The following ZNF821 variants were observed in gnomAD, a reference collection of about 807,000 sequenced individuals.
ZNF821 encodes the protein zinc finger protein 821.
A neutral mutation model predicts 44.3 loss-of-function variants in ZNF821; 16 were observed. The ratio of observed to expected loss-of-function variants is 0.36; its 90% confidence interval spans 0.24 to 0.55. ZNF821 has a LOEUF of 0.55. Ranked by LOEUF, ZNF821 falls within the 20% of genes least tolerant of loss-of-function variation. ZNF821 has a pLI of 0.86. For synonymous variants in ZNF821, 204 were observed against 197.6 expected (o/e 1.03, Z -0.27); for missense variants, 436 against 547.6 (o/e 0.80, Z 2.03).
chr16:71,879,757 C>A (rs917741824), intron 3 of ZNF821, 150 bp downstream of exon 3: 2 of 774,620 alleles, frequency 2.6e-6, no homozygotes, highest in Non-Finnish European at 4.1e-6. Context: ...TTCTTTCTTT[C>A]TTTTTTTCTC....
At chr16:71,864,048 C>G in intron 6 of ZNF821, 90 bp downstream of exon 6, 1 of 1,142,786 alleles carries the variant, frequency 8.8e-7, no homozygotes, top group South Asian at 1.2e-5. Context: ...CCTTCAGGAG[C>G]CAGAGAGAGA....
At chr16:71,872,318 T>C (rs892254299) in intron 3 of ZNF821, among the ~76,000 whole-genome samples, 2 of 151,764 alleles carry the variant, frequency 1.3e-5, no homozygotes, top group Admixed American at 6.6e-5. Flanking sequence ...GAACATTCTT[T>C]AAGAGAGCAG....
chr16:71,873,105 T>G (rs1381017223), intron 3 of ZNF821, among the ~76,000 whole-genome samples: 4 of 152,206 alleles, frequency 2.6e-5, no homozygotes, highest in Middle Eastern at 3.2e-3. Context: ...GCAGATCACT[T>G]GAGATCAGGA....
At chr16:71,889,875 C>G (rs1325661299) in intron 1 of ZNF821, among the ~76,000 whole-genome samples, 1 of 152,130 alleles carries the variant, frequency 6.6e-6, no homozygotes, top group African/African-American at 2.4e-5. Context: ...GGAGGATCAT[C>G]TGGGCCCAAG....
chr16:71,889,738 C>T (rs1342662557), upstream of ZNF821, among the ~76,000 whole-genome samples: 1 of 151,962 alleles, frequency 6.6e-6, no homozygotes, highest in African/African-American at 2.4e-5. Flanking sequence ...CCGAAAAAAC[C>T]TGACCTGATA....
At position 71,859,785 on chromosome 16, in the gene ZNF821, G is replaced by T; in HGVS notation, c.*233C>A. On this transcript the variant is annotated 3_prime_UTR_variant, in exon 8 of 8. Transcript: ENST00000425432. ...CTGTGGCAGTGGGCTGGGGAGGCCA[G>T]TTCTCTGGACTGCCTGCTCCCTTGT... The T allele has an allele frequency of 3.6e-6, 2 of 549,454 alleles. No homozygotes were observed. The highest frequency in any genetic ancestry group is 6.3e-6 in the Non-Finnish European group (2 of 315,060). 34.0% of individuals were successfully genotyped at this position (549,454 alleles called of 1,614,324 possible).
At chr16:71,883,049 A>T (rs1192061313) in intron 2 of ZNF821, 162 bp downstream of exon 2, 1 of 451,540 alleles carries the variant, frequency 2.2e-6, no homozygotes, top group Non-Finnish European at 4.4e-6. Flanking sequence ...GTCTGTCTTC[A>T]GAGCAAGGTT....
At chr16:71,867,401 T>C (rs1048151886) in intron 4 of ZNF821, among the ~76,000 whole-genome samples, 3 of 152,076 alleles carry the variant, frequency 2.0e-5, no homozygotes, top group Non-Finnish European at 4.4e-5. Flanking sequence ...AAAATATATA[T>C]ATCGGCCAGG....
In ZNF821 at chr16:71,860,499, G is replaced by C. The variant is rs1266671687; in HGVS notation, c.758C>G (p.Pro253Arg). 4 of 1,614,178 alleles carry C rather than the reference G, an allele frequency of 2.5e-6. No homozygotes were observed. The South Asian group carries it at 4.4e-5, about 18-fold the overall frequency. Residue 253 changes from proline (P) to arginine (R), a missense_variant, in exon 8 of 8, where the codon CCC (proline) becomes CGC (arginine). Physicochemically the swap from Pro to Arg is moderately radical, Grantham distance 103. Transcript: ENST00000425432. This position sits in a 1 kb window ranked among gnomAD's most constrained non-coding sequence, Gnocchi z 7.3. ...ACGTAGAGCCCACTTGCGTACACTG[G>C]GAGTCTGGGCTTCCAGCAGTTTACG... is the stretch of plus-strand genomic sequence containing the variant. ...AYRKLLEAQT[P>R]SVRKWALRRQ...
At chr16:71,872,133 G>A (rs1379103238) in intron 3 of ZNF821, among the ~76,000 whole-genome samples, 1 of 152,032 alleles carries the variant, frequency 6.6e-6, no homozygotes, top group Non-Finnish European at 1.5e-5. Flanking sequence ...GCCCGGCCTG[G>A]TTAAGGTTTT....
chr16:71,870,486 CTTTTTTT>C (rs5817794), intron 3 of ZNF821, among the ~76,000 whole-genome samples: 2 of 136,638 alleles, frequency 1.5e-5, no homozygotes, highest in Admixed American at 7.6e-5. Context: ...TGGTACTTTC[CTTTTTTT>C]TTTTTTTTTT....
At chr16:71,868,112 G>C in intron 3 of ZNF821, 75 bp from the exon 4 acceptor site, 4 of 1,482,386 alleles carry the variant, frequency 2.7e-6, no homozygotes, top group South Asian at 1.3e-5. Context: ...TGGAAGGTCA[G>C]ACCATTCAAA....
chr16:71,882,857 T>TA (rs2036574873), intron 2 of ZNF821, among the ~76,000 whole-genome samples: 1 of 152,110 alleles, frequency 6.6e-6, no homozygotes, highest in Non-Finnish European at 1.5e-5. Flanking sequence ...CCCAGAGACA[T>TA]ACAGCCCTAA....
upstream of ZNF821, among the ~76,000 whole-genome samples, chr16:71,887,670 C>T (rs2036866571): frequency 1.3e-5 from 2 of 152,126 alleles, no homozygotes; most frequent in Admixed American, 1.3e-4. Context: ...ACAACCTGGT[C>T]AACATTTGTT....
chr16:71,887,296 G>A (rs990401388), upstream of ZNF821, among the ~76,000 whole-genome samples: 1 of 116,994 alleles, frequency 8.5e-6, no homozygotes, highest in African/African-American at 3.4e-5. Flanking sequence ...GTCTTGCTCT[G>A]TCGCCCAGGC....
In ZNF821 at chr16:71,864,121, A is replaced by T; in HGVS notation, c.417+17T>A. On this transcript the variant is annotated intron_variant, in intron 6 of 7. Coordinates refer to ENST00000425432, the MANE Select transcript of ZNF821 (RefSeq NM_001201552.2). Reference sequence around the variant, plus strand: ...CCCACACTTGTGTTCCAGAGCACACAGCTCCCCCATCCATACCTGGTACAC... The same window carrying T: ...CCCACACTTGTGTTCCAGAGCACACTGCTCCCCCATCCATACCTGGTACAC... 6.2e-7 allele frequency: 1 copy of T among 1,609,482 alleles called. No homozygotes were observed.
chr16:71,860,527 A>T lies in ZNF821; in HGVS notation c.730T>A (p.Tyr244Asn), dbSNP rs1360610277. ...GTCTGGGCTTCCAGCAGTTTACGGT[A>T]GGCAGCACAGTTGTTGCACACAAGC... Reference protein sequence around the residue: ...ILLVCNNCAAYRKLLEAQTPS... With the variant: ...ILLVCNNCAANRKLLEAQTPS... The change falls in exon 8 of 8, where the codon TAC (tyrosine) becomes AAC (asparagine). Residue 244 changes from tyrosine to asparagine, a missense_variant. By Grantham distance (143) the Tyr-to-Asn change is moderately radical. Around this residue, in one of 5 missense-constraint regions of ZNF821, gnomAD observed 68 missense variants for 57.0 expected, o/e 1.19. Transcript: ENST00000425432. The surrounding 1 kb of genome is among the most constrained non-coding windows in gnomAD (Gnocchi z 7.3). The T allele has an allele frequency of 1.9e-6, 3 of 1,614,176 alleles. No individual in the cohort carries two copies. The highest frequency in any genetic ancestry group is 2.5e-6 in the Non-Finnish European group (3 of 1,180,036).
chr16:71,870,483 T>C (rs1403016099), intron 3 of ZNF821, among the ~76,000 whole-genome samples: 2 of 111,256 alleles, frequency 1.8e-5, no homozygotes, highest in East Asian at 7.0e-4. Flanking sequence ...AATTGGTACT[T>C]TCCTTTTTTT....
At chr16:71,865,950 A>G (rs1459113849) in intron 4 of ZNF821, among the ~76,000 whole-genome samples, 6 of 152,200 alleles carry the variant, frequency 3.9e-5, no homozygotes, top group Admixed American at 3.9e-4. Context: ...TTTCTTCTCT[A>G]TTACTTATAA....
Sources: allele counts gnomAD v4.1 joint callset (sites outside exome capture counted in the v4.1 genomes callset), GRCh38; gene constraint gnomAD v4.1.1; regional missense constraint gnomAD v4.1.1; non-coding constraint Gnocchi (gnomAD v3.1); transcripts MANE v1.5; gene names NCBI Gene and HGNC (gene_info 2026-07-23, HGNC 2026-07-21).